The following CSMD1 variants were observed in gnomAD, a reference collection of about 807,000 sequenced individuals.
CSMD1 encodes CUB and sushi domain-containing protein 1.
In CSMD1, 213 loss-of-function variants were observed where a neutral mutation model predicts 417.5. That is an observed-to-expected ratio of 0.51 (90% CI 0.46 to 0.57). The LOEUF (loss-of-function observed/expected upper bound fraction) is 0.57, where lower values mean the gene tolerates loss of function less well. Among genes scored for constraint, CSMD1 ranks in the 20% least tolerant of loss-of-function variants. The pLI is 0.00. For synonymous variants in CSMD1, 2,862 were observed against 1,736.8 expected (o/e 1.65, Z -16.11); for missense variants, 6,923 against 4,529.7 (o/e 1.53, Z -15.17).
intron 18 of CSMD1, among the ~76,000 whole-genome samples, chr8:3,372,469 G>C (rs922670390): frequency 6.6e-6 from 1 of 152,198 alleles, no homozygotes; most frequent in Non-Finnish European, 1.5e-5. Flanking sequence ...GGTGAAGGGA[G>C]GAAGGTGGTC....
rs192664309 is a variant in CSMD1, at chr8:3,178,760, C to T, written c.5725+2350G>A. ...TTTTTTTCCATTTTTATTTCATGGA[C>T]ATAAAATAAAAATCTGAATTTAGAG... is the stretch of plus-strand genomic sequence containing the variant. On this transcript the variant is annotated intron_variant, in intron 37 of 69. Coordinates refer to ENST00000635120, the MANE Select transcript of CSMD1 (RefSeq NM_033225.6). 2.5e-3 allele frequency among the ~76,000 whole-genome samples: 376 copies of T among 151,976 alleles called. 1 individual carries two copies. The highest frequency in any genetic ancestry group is 8.8e-3 in the African/African-American group (366 of 41,454).
At chr8:4,917,965 G>A (rs149620029) in intron 1 of CSMD1, among the ~76,000 whole-genome samples, 1 of 152,170 alleles carries the variant, frequency 6.6e-6, no homozygotes, top group African/African-American at 2.4e-5. Context: ...GGTCTATTTA[G>A]TAGAGTGAGT....
At chr8:4,209,554 C>G (rs1000783552) in intron 3 of CSMD1, among the ~76,000 whole-genome samples, 6 of 152,198 alleles carry the variant, frequency 3.9e-5, no homozygotes, top group African/African-American at 1.2e-4. Flanking sequence ...TGCTGCCATG[C>G]TGCCTCTTCT....
chr8:3,918,003 G>A (rs962310519), intron 5 of CSMD1, among the ~76,000 whole-genome samples: 4 of 151,958 alleles, frequency 2.6e-5, no homozygotes, highest in African/African-American at 4.8e-5. Flanking sequence ...CCCGATTCAC[G>A]CATGCTGTTG....
chr8:4,554,056 C>T (rs1004134557), intron 2 of CSMD1, among the ~76,000 whole-genome samples: 5 of 152,156 alleles, frequency 3.3e-5, no homozygotes, highest in Non-Finnish European at 7.3e-5. Flanking sequence ...CCTGCTGTCT[C>T]GTCAGTACCA....
At chr8:3,911,349 A>T (rs552558618) in intron 5 of CSMD1, among the ~76,000 whole-genome samples, 194 of 151,888 alleles carry the variant, frequency 1.3e-3, no homozygotes, top group African/African-American at 4.4e-3. Context: ...TAACACACTG[A>T]AACCCCATCT....
chr8:3,333,225 C>G (rs1362347388), intron 23 of CSMD1, among the ~76,000 whole-genome samples: 2 of 152,142 alleles, frequency 1.3e-5, no homozygotes, highest in African/African-American at 2.4e-5. Flanking sequence ...TTGTGAGACC[C>G]TGAGAGAAGA....
intron 4 of CSMD1, among the ~76,000 whole-genome samples, chr8:4,028,413 G>T (rs185203349): frequency 2.0e-5 from 3 of 152,156 alleles, no homozygotes; most frequent in Admixed American, 2.0e-4. Flanking sequence ...CTTGTGGGGT[G>T]GTGGTAGTAG....
chr8:3,225,192 T>C (rs919688254), intron 27 of CSMD1, among the ~76,000 whole-genome samples: 11 of 149,846 alleles, frequency 7.3e-5, no homozygotes, highest in Non-Finnish European at 1.6e-4. Context: ...TTAACATTTC[T>C]GAAAACTTAG....
At chr8:3,911,047 C>G (rs1808425953) in intron 5 of CSMD1, among the ~76,000 whole-genome samples, 1 of 151,970 alleles carries the variant, frequency 6.6e-6, no homozygotes, top group Non-Finnish European at 1.5e-5. Context: ...TGGGGACACT[C>G]CAGAACTCTA....
At chr8:4,199,987 A>T (rs1799556683) in intron 3 of CSMD1, among the ~76,000 whole-genome samples, 1 of 152,206 alleles carries the variant, frequency 6.6e-6, no homozygotes, top group Middle Eastern at 3.2e-3. Context: ...AATGGTGACT[A>T]TTAAAAGTTC....
chr8:4,040,685 C>G (rs1266335494), intron 3 of CSMD1, among the ~76,000 whole-genome samples: 1 of 152,010 alleles, frequency 6.6e-6, no homozygotes, highest in Non-Finnish European at 1.5e-5. Context: ...TTCAAGCTCT[C>G]GAGGCAAATT....
At chr8:4,874,003 G>C (rs958693104) in intron 1 of CSMD1, among the ~76,000 whole-genome samples, 1 of 152,082 alleles carries the variant, frequency 6.6e-6, no homozygotes, top group Non-Finnish European at 1.5e-5. Flanking sequence ...ACCACTATAT[G>C]TGTTGTAATC....
chr8:4,168,548 G>C (rs1797586248), intron 3 of CSMD1, among the ~76,000 whole-genome samples: 1 of 152,040 alleles, frequency 6.6e-6, no homozygotes, highest in South Asian at 2.1e-4. Context: ...ACACAACAGT[G>C]AGCAGATGAG....
intron 1 of CSMD1, among the ~76,000 whole-genome samples, chr8:4,928,583 T>G (rs1332050162): frequency 6.6e-5 from 10 of 152,138 alleles, no homozygotes; most frequent in Non-Finnish European, 1.2e-4. Context: ...GCACGATCAT[T>G]TACGAAAGAG....
intron 1 of CSMD1, among the ~76,000 whole-genome samples, chr8:4,750,387 T>C (rs972821856): frequency 6.6e-6 from 1 of 152,198 alleles, no homozygotes; most frequent in Non-Finnish European, 1.5e-5. Context: ...TTTAGGGTTA[T>C]CAAGATTCAA....
At chr8:3,466,761 T>G (rs1816814043) in intron 12 of CSMD1, among the ~76,000 whole-genome samples, 1 of 152,098 alleles carries the variant, frequency 6.6e-6, no homozygotes, top group South Asian at 2.1e-4. Flanking sequence ...TGAATAACTT[T>G]GCTTTGAGTC....
chr8:4,233,288 C>T (rs753219999), intron 3 of CSMD1, among the ~76,000 whole-genome samples: 4 of 152,124 alleles, frequency 2.6e-5, no homozygotes, highest in Admixed American at 6.5e-5. Context: ...GCCCACTCTC[C>T]GCCAGCCACA....
chr8:4,222,232 G>A (rs1388864265), intron 3 of CSMD1, among the ~76,000 whole-genome samples: 1 of 152,104 alleles, frequency 6.6e-6, no homozygotes, highest in African/African-American at 2.4e-5. Context: ...GTAACACGCA[G>A]AAAGTTATGA....
Sources: allele counts gnomAD v4.1 joint callset (sites outside exome capture counted in the v4.1 genomes callset), GRCh38; gene constraint gnomAD v4.1.1; transcripts MANE v1.5; gene names NCBI Gene and HGNC (gene_info 2026-07-23, HGNC 2026-07-21).